Variants in OSMR observed in about 807,000 individuals in gnomAD.
OSMR encodes the protein oncostatin M receptor, also known as oncostatin-M-specific receptor subunit beta.
OSMR carries 81 observed loss-of-function variants against 99.9 expected under a neutral mutation model. That is an observed-to-expected ratio of 0.81 (90% confidence interval 0.68 to 0.97). The LOEUF is 0.97. Among genes scored for constraint, OSMR ranks in the 50% least tolerant of loss-of-function variants. The pLI is 0.00. For missense variants in OSMR, 1,099 were observed against 1,153.4 expected, an observed-to-expected ratio of 0.95 and a Z score of 0.68; for synonymous variants, 406 against 410.4, an observed-to-expected ratio of 0.99 and a Z score of 0.13.
rs1329271597 is a variant in OSMR, at chr5:38,941,236, A to T, written c.75-2965A>T. 3 of 232,804 alleles carry T rather than the reference A, an allele frequency of 1.3e-5. No homozygotes were observed. In the East Asian group the frequency reaches 1.8e-4, roughly 14 times the overall value. 14.4% of individuals were successfully genotyped at this position (232,804 alleles called of 1,614,324 possible). The stretch of plus-strand genomic sequence containing the variant: ...CATTTAGTTTGTGCAAAACAAAAAC[A>T]CTGATATAAAAATTAAGTTACTGCT... On this transcript the variant is annotated intron_variant and NMD_transcript_variant, in intron 1 of 2. Coordinates refer to the OSMR transcript ENST00000508882.
chr5:38,847,244 T>TA (rs1377561530), intron 1 of OSMR, among the ~76,000 whole-genome samples: 1 of 152,220 alleles, frequency 6.6e-6, no homozygotes, highest in African/African-American at 2.4e-5. Flanking sequence ...TATCACCTCT[T>TA]AGTTTCCTTG....
downstream of OSMR, among the ~76,000 whole-genome samples, chr5:38,936,998 C>T (rs1747077624): frequency 6.6e-6 from 1 of 152,178 alleles, no homozygotes; most frequent in South Asian, 2.1e-4. Flanking sequence ...AAAGGATCAG[C>T]GGCATGATGA....
Position 38,904,403 on chromosome 5 carries a change from A to G in OSMR, c.1185A>G (p.Glu395=). Residue 395 remains glutamate, a synonymous_variant, in exon 9 of 18, where the codon GAA becomes GAG. Coordinates refer to ENST00000274276, the MANE Select transcript of OSMR (RefSeq NM_003999.3). ...VNGEYFLSEL[E]PATEYMARVR... ...GTGAGTACTTCTTAAGTGAACTGGA[A>G]CCTGCCACAGAGTACATGGCGCGAG... 1.2e-6 allele frequency: 2 copies of G among 1,614,096 alleles called. No individual in the cohort carries two copies. Among genetic ancestry groups the G allele is most frequent in the Non-Finnish European group, 1.7e-6 (2 of 1,180,010 alleles).
chr5:38,933,509 C>T lies in OSMR; in HGVS notation c.*65C>T. 1 of 1,567,304 alleles carries T rather than the reference C, an allele frequency of 6.4e-7. No homozygotes were observed. The highest frequency in any genetic ancestry group is 1.1e-5 in the South Asian group (1 of 89,944). ...AAGAAGAGCAGAGCTGGCACCCTGT[C>T]ATCACCAGTGGCCTTGGTCCTTAAT... On this transcript the variant is annotated 3_prime_UTR_variant, in exon 18 of 18. Coordinates refer to ENST00000274276, the MANE Select transcript of OSMR (RefSeq NM_003999.3).
intron 1 of OSMR, among the ~76,000 whole-genome samples, chr5:38,858,088 T>G (rs1377072458): frequency 6.6e-6 from 1 of 152,248 alleles, no homozygotes; most frequent in South Asian, 2.1e-4. Context: ...TTTTAGGATA[T>G]CTATCACCTG....
intron 1 of OSMR, chr5:38,942,747 CA>C: frequency 9.0e-7 from 1 of 1,116,762 alleles, no homozygotes; most frequent in South Asian, 1.4e-5. Flanking sequence ...TGAGTCACCA[CA>C]CCCAGCTATA....
At position 38,903,872 on chromosome 5, in the gene OSMR, T is replaced by A. The variant is rs1745050217; in HGVS notation, c.992-10T>A. 2 of 1,607,704 alleles carry A rather than the reference T, an allele frequency of 1.2e-6. No homozygotes were observed. The highest frequency in any genetic ancestry group is 2.7e-5 in the African/African-American group (2 of 74,820). Reference sequence around the variant, plus strand: ...TGAATTTTTTTGTTTCTTTTTCTTTTTTTTGACAGTTTATTTAATGAATCC... The same window carrying A: ...TGAATTTTTTTGTTTCTTTTTCTTTATTTTGACAGTTTATTTAATGAATCC... On this transcript the variant is annotated splice_polypyrimidine_tract_variant and intron_variant, in intron 7 of 17. Transcript: ENST00000274276.
At chr5:38,938,783 T>C, downstream of OSMR, 1 of 233,080 alleles carries the variant, frequency 4.3e-6, no homozygotes, top group Non-Finnish European at 8.5e-6. Context: ...AATGACACTC[T>C]TGAGATTAAG....
At chr5:38,852,718 A>ATTTTTTTGTTTTTTT (rs1740494046) in intron 1 of OSMR, among the ~76,000 whole-genome samples, 1 of 70,660 alleles carries the variant, frequency 1.4e-5, no homozygotes, top group African/African-American at 5.4e-5. Context: ...TATTGTTTTC[A>ATTTTTTTGTTTTTTT]TTTTTTTTTT....
At chr5:38,941,933 G>C (rs1011373399) in intron 1 of OSMR, 3 of 237,326 alleles carry the variant, frequency 1.3e-5, no homozygotes, top group Non-Finnish European at 2.5e-5. Context: ...AAATCATTCA[G>C]AAATAACTTG....
chr5:38,930,903 G>A (rs1010150349), intron 15 of OSMR, among the ~76,000 whole-genome samples: 1 of 150,482 alleles, frequency 6.6e-6, no homozygotes, highest in Non-Finnish European at 1.5e-5. Context: ...ATGGGAAGAT[G>A]CCCTTGCAGA....
chr5:38,883,553 T>C (rs578117530), intron 4 of OSMR: 2 of 271,040 alleles, frequency 7.4e-6, no homozygotes, highest in African/African-American at 4.6e-5. Flanking sequence ...AACCCAGCAA[T>C]AGCAATCATG....
At chr5:38,931,482 G>T (rs1746748273) in intron 15 of OSMR, among the ~76,000 whole-genome samples, 1 of 152,212 alleles carries the variant, frequency 6.6e-6, no homozygotes, top group Admixed American at 6.5e-5. Context: ...CACATTTAAA[G>T]CACTTACGTT....
chr5:38,924,809 G>T (rs2112667056), intron 14 of OSMR, among the ~76,000 whole-genome samples: 1 of 151,956 alleles, frequency 6.6e-6, no homozygotes, highest in African/African-American at 2.4e-5. Flanking sequence ...AATATGACTT[G>T]GTATTTTTAG....
At chr5:38,875,184 T>C (rs1482116915) in intron 2 of OSMR, among the ~76,000 whole-genome samples, 1 of 152,254 alleles carries the variant, frequency 6.6e-6, no homozygotes, top group East Asian at 1.9e-4. Context: ...CGATGCAGGC[T>C]TTATCTTTTC....
intron 1 of OSMR, among the ~76,000 whole-genome samples, chr5:38,848,881 C>T (rs1010917918): frequency 1.3e-5 from 2 of 152,072 alleles, no homozygotes; most frequent in African/African-American, 2.4e-5. Context: ...TCAAGTGATC[C>T]TCCCACCTCA....
At chr5:38,907,438 A>G (rs1467076408) in intron 9 of OSMR, among the ~76,000 whole-genome samples, 5 of 152,218 alleles carry the variant, frequency 3.3e-5, no homozygotes, top group African/African-American at 7.2e-5. Flanking sequence ...GCAGTGGAGC[A>G]TGGCCAGGGA....
chr5:38,913,352 A>G (rs1485433672), intron 9 of OSMR, among the ~76,000 whole-genome samples: 1 of 152,126 alleles, frequency 6.6e-6, no homozygotes, highest in Non-Finnish European at 1.5e-5. Flanking sequence ...GATTGAGACC[A>G]TCCTGGCTAA....
chr5:38,881,914 G>A (rs1359103748), intron 4 of OSMR, 150 bp downstream of exon 4: 5 of 691,184 alleles, frequency 7.2e-6, no homozygotes, highest in Non-Finnish European at 9.9e-6. Flanking sequence ...AAAAACACAG[G>A]TGTGAAACTT....
Sources: gnomAD v4.1 joint callset for allele counts (sites outside exome capture counted in the v4.1 genomes callset) on GRCh38, gnomAD v4.1.1 for gene constraint, MANE v1.5 for transcripts, NCBI Gene and HGNC (gene_info 2026-07-23, HGNC 2026-07-21) for gene names.